FER: variants seen among roughly 807,000 people sequenced by gnomAD.
The protein encoded by FER is FER tyrosine kinase.
A neutral mutation model predicts 111.0 loss-of-function variants in FER; 63 were observed. The observed-to-expected ratio is 0.57, with a 90% CI of 0.46 to 0.70. The LOEUF (loss-of-function observed/expected upper bound fraction) is 0.70, where lower values mean the gene tolerates loss of function less well. FER is among the 30% of genes least tolerant of loss of function. The pLI is 0.00. For synonymous variants in FER, 327 were observed against 313.9 expected (o/e 1.04, Z -0.44); for missense variants, 914 against 954.0 (o/e 0.96, Z 0.55).
chr5:109,044,186 T>TC (rs199704238), intron 14 of FER, among the ~76,000 whole-genome samples: 30,243 of 151,256 alleles, frequency 0.2, 3,174 homozygotes, highest in South Asian at 0.25. Context: ...TCAGGCCTTT[T>TC]TTTTTTTTTG....
At chr5:108,852,964 A>G (rs747452163) in intron 5 of FER, among the ~76,000 whole-genome samples, 2 of 152,088 alleles carry the variant, frequency 1.3e-5, no homozygotes, top group Non-Finnish European at 2.9e-5. Context: ...ATTTGTCCAT[A>G]TTTTGCTTAG....
At chr5:108,945,884 A>G (rs78443052) in intron 10 of FER, among the ~76,000 whole-genome samples, 3 of 152,164 alleles carry the variant, frequency 2.0e-5, no homozygotes, top group Middle Eastern at 6.8e-3. Flanking sequence ...ATGAATTGCT[A>G]TATGAATTTC....
At chr5:109,124,309 G>A (rs1003919863) in intron 17 of FER, among the ~76,000 whole-genome samples, 1 of 152,032 alleles carries the variant, frequency 6.6e-6, no homozygotes, top group Non-Finnish European at 1.5e-5. Flanking sequence ...TTGGAAGGAA[G>A]GCTTTCATTA....
chr5:109,153,885 A>G lies in FER; in HGVS notation c.2049-26862A>G, dbSNP rs562162138. On this transcript the variant is annotated intron_variant, in intron 17 of 19. Coordinates refer to ENST00000281092, the MANE Select transcript of FER (RefSeq NM_005246.4). ...ATCAGAGCCTCTGCTTTCTCATCTC[A>G]AAAATAAAGTGACTGGCTCCAGAAT... Among the ~76,000 whole-genome samples the G allele has an allele frequency of 8.5e-4, 129 of 151,946 alleles. 2 individuals are homozygous for G. Among genetic ancestry groups the G allele is most frequent in the Admixed American group, 8.3e-3 (126 of 15,244 alleles).
chr5:109,180,026 G>A (rs560073055), intron 17 of FER, among the ~76,000 whole-genome samples: 2 of 152,264 alleles, frequency 1.3e-5, no homozygotes, highest in South Asian at 2.1e-4. Flanking sequence ...GAGGCAAAGC[G>A]GAACAGCTAA....
At chr5:109,067,370 G>C (rs180759900) in intron 16 of FER, among the ~76,000 whole-genome samples, 52 of 152,172 alleles carry the variant, frequency 3.4e-4, no homozygotes, top group Non-Finnish European at 6.5e-4. Context: ...TCTTCTTGAA[G>C]ATAGCTCCTC....
chr5:108,855,494 G>C (rs892384724), intron 5 of FER, among the ~76,000 whole-genome samples: 1 of 151,410 alleles, frequency 6.6e-6, no homozygotes, highest in Non-Finnish European at 1.5e-5. Context: ...GGTGGTGGGC[G>C]CCTGTAGTCC....
chr5:108,839,534 A>T (rs190877991), intron 5 of FER, among the ~76,000 whole-genome samples: 3 of 151,734 alleles, frequency 2.0e-5, no homozygotes, highest in African/African-American at 7.3e-5. Context: ...GAAAGTAGCC[A>T]CAGAGAAATT....
intron 17 of FER, among the ~76,000 whole-genome samples, chr5:109,121,470 T>G (rs1202202309): frequency 6.6e-6 from 1 of 152,174 alleles, no homozygotes; most frequent in Non-Finnish European, 1.5e-5. Context: ...GAATGATCTT[T>G]TTAATGTGTC....
At chr5:109,142,055 C>T (rs1274190247) in intron 17 of FER, among the ~76,000 whole-genome samples, 5 of 152,002 alleles carry the variant, frequency 3.3e-5, no homozygotes, top group African/African-American at 1.2e-4. Flanking sequence ...CTGAATTTTC[C>T]GTGAGCATTA....
intron 13 of FER, among the ~76,000 whole-genome samples, chr5:109,015,649 G>A (rs1053418255): frequency 2.0e-5 from 3 of 152,024 alleles, no homozygotes; most frequent in Non-Finnish European, 4.4e-5. Context: ...AGCAGGATCA[G>A]CACATCATGC....
intron 11 of FER, among the ~76,000 whole-genome samples, chr5:108,951,136 G>C (rs530735979): frequency 1.3e-5 from 2 of 151,952 alleles, no homozygotes; most frequent in East Asian, 1.9e-4. Context: ...CAGGTGGGGT[G>C]GTGCGCAATC....
intron 5 of FER, among the ~76,000 whole-genome samples, chr5:108,865,438 A>T (rs1325979714): frequency 3.3e-5 from 5 of 152,176 alleles, no homozygotes; most frequent in Non-Finnish European, 7.3e-5. Flanking sequence ...TTAATTCAGG[A>T]TGGAGTAAAG....
chr5:109,031,445 T>C (rs2149862260), intron 13 of FER, among the ~76,000 whole-genome samples: 1 of 152,306 alleles, frequency 6.6e-6, no homozygotes, highest in Admixed American at 6.5e-5. Flanking sequence ...GGATGCTGGA[T>C]AATATACATT....
chr5:108,913,595 G>A (rs1052853763), intron 10 of FER, among the ~76,000 whole-genome samples: 1 of 152,158 alleles, frequency 6.6e-6, no homozygotes, highest in Non-Finnish European at 1.5e-5. Context: ...AGCCTATTGG[G>A]CAGTGTCTAC....
Position 109,100,439 on chromosome 5 carries a change from A to G in FER, c.1968A>G (p.Leu656=), listed in dbSNP as rs1400640828. ...TTCTGAGAAGGAAGAAGGATGAACT[A>G]AAACTCAAACAGTTAGTGAAATTTT... is the stretch of plus-strand genomic sequence containing the variant. The part of the protein sequence containing the change: ...LTFLRRKKDE[L]KLKQLVKFSL... The change falls in exon 17 of 20, where the codon CTA becomes CTG. Residue 656 remains leucine (L), a synonymous_variant. Coordinates refer to ENST00000281092, the MANE Select transcript of FER (RefSeq NM_005246.4). 3.7e-6 allele frequency: 6 copies of G among 1,611,390 alleles called. No individual in the cohort carries two copies. The highest frequency in any genetic ancestry group is 2.2e-5 in the East Asian group (1 of 44,744).
At chr5:108,873,930 G>A (rs1212007359) in intron 8 of FER, among the ~76,000 whole-genome samples, 1 of 152,176 alleles carries the variant, frequency 6.6e-6, no homozygotes, top group Admixed American at 6.5e-5. Flanking sequence ...GGATAGCAGA[G>A]TTTCTCAATT....
intron 13 of FER, among the ~76,000 whole-genome samples, chr5:109,008,260 GACTACA>G (rs1323477064): frequency 2.6e-5 from 4 of 152,108 alleles, no homozygotes; most frequent in African/African-American, 9.7e-5. Context: ...TATTCTTCCT[GACTACA>G]ACTATCATTA....
chr5:108,950,353 A>G (rs1310891968), intron 11 of FER, among the ~76,000 whole-genome samples: 1 of 152,202 alleles, frequency 6.6e-6, no homozygotes, highest in East Asian at 1.9e-4. Flanking sequence ...ATATTGTAGT[A>G]CAAAAAATTG....
Sources: gnomAD v4.1 joint callset for allele counts (sites outside exome capture counted in the v4.1 genomes callset) on GRCh38, gnomAD v4.1.1 for gene constraint, MANE v1.5 for transcripts, NCBI Gene and HGNC (gene_info 2026-07-23, HGNC 2026-07-21) for gene names.